Variants in ZC4H2 observed in about 807,000 individuals in gnomAD.
The protein encoded by ZC4H2 is zinc finger C4H2-type containing, also known as zinc finger C4H2 domain-containing protein.
For synonymous variants in ZC4H2, 84 were observed against 66.3 expected, an observed-to-expected ratio of 1.27 and a Z score of -1.30; for missense variants, 137 against 173.9, an observed-to-expected ratio of 0.79 and a Z score of 1.19.
At chrX:64,928,738 TCC>T (rs1929578470) in intron 1 of ZC4H2, among the ~76,000 whole-genome samples, 1 of 99,653 alleles carries the variant, frequency 1.0e-5, no homozygotes, top group African/African-American at 3.7e-5. Flanking sequence ...CTTCTTCTTC[TCC>T]TTCTCCTTCT....
intron 1 of ZC4H2, among the ~76,000 whole-genome samples, chrX:64,985,777 T>C (rs1932172347): frequency 8.9e-6 from 1 of 111,763 alleles, no homozygotes; most frequent in African/African-American, 3.3e-5. Context: ...TCAATTTTCC[T>C]ATGGCAAGCA....
chrX:65,003,848 G>C (rs1932602941), intron 1 of ZC4H2, among the ~76,000 whole-genome samples: 1 of 107,969 alleles, frequency 9.3e-6, no homozygotes, highest in African/African-American at 3.4e-5. Flanking sequence ...CTGCACTCCA[G>C]CCTGGGTGAC....
At chrX:64,967,706 G>A (rs1452703192) in intron 1 of ZC4H2, among the ~76,000 whole-genome samples, 1 of 111,729 alleles carries the variant, frequency 9.0e-6, no homozygotes, top group Non-Finnish European at 1.9e-5. Flanking sequence ...TATTTCAGAG[G>A]TGAATAAATA....
At position 65,032,734 on chromosome X, in the gene ZC4H2, T is replaced by TTTCCTTCCTTCCTTCCTTCCTTCC. The variant is rs59235733; in HGVS notation, c.-272+1871_-272+1894dup. ...GCTCTCCTCTAATGTTTCTTCTTTC[T>TTTCCTTCCTTCCTTCCTTCCTTCC]TTCCTTCCTTCCTTCCTTCCTTCCT... On this transcript the variant is annotated intron_variant, in intron 1 of 4. Transcript: ENST00000337990. 2.5e-4 allele frequency among the ~76,000 whole-genome samples: 22 copies of TTTCCTTCCTTCCTTCCTTCCTTCC among 86,798 alleles called. 1 individual carries two copies. The highest frequency in any genetic ancestry group is 9.7e-4 in the African/African-American group (21 of 21,704). 75.4% of individuals were successfully genotyped at this position (86,798 alleles called of 115,157 possible).
intron 1 of ZC4H2, among the ~76,000 whole-genome samples, chrX:65,018,761 G>A (rs1244884863): frequency 9.0e-6 from 1 of 111,306 alleles, no homozygotes; most frequent in African/African-American, 3.3e-5. Flanking sequence ...TCCCCATGAA[G>A]CTGAGCAAGC....
intron 1 of ZC4H2, among the ~76,000 whole-genome samples, chrX:65,014,543 T>G (rs1319152708): frequency 8.9e-6 from 1 of 111,747 alleles, no homozygotes; most frequent in Non-Finnish European, 1.9e-5. Context: ...AGCTCAGCAA[T>G]TCATATTTCA....
intron 1 of ZC4H2, among the ~76,000 whole-genome samples, chrX:64,944,511 T>A (rs1930442777): frequency 9.0e-6 from 1 of 111,562 alleles, no homozygotes; most frequent in Non-Finnish European, 1.9e-5. Context: ...GCCTTTAACA[T>A]TTTTTCCTTT....
intron 1 of ZC4H2, among the ~76,000 whole-genome samples, chrX:65,014,949 G>A (rs1234322438): frequency 1.8e-5 from 2 of 111,610 alleles, no homozygotes; most frequent in African/African-American, 6.5e-5. Context: ...TAAATGAACT[G>A]CCTAAACAAC....
chrX:64,928,473 T>C (rs907056124), intron 1 of ZC4H2, among the ~76,000 whole-genome samples: 4 of 111,817 alleles, frequency 3.6e-5, no homozygotes, highest in African/African-American at 1.3e-4. Context: ...TTCTGTTCCA[T>C]TGGTCTATAT....
chrX:64,921,551 T>A (rs755680652), intron 2 of ZC4H2, among the ~76,000 whole-genome samples: 8 of 111,646 alleles, frequency 7.2e-5, no homozygotes, highest in Non-Finnish European at 1.5e-4. Flanking sequence ...ATCAAATCAG[T>A]ACATTTAGAG....
chrX:65,023,307 G>T (rs911716267), intron 1 of ZC4H2, among the ~76,000 whole-genome samples: 1 of 111,752 alleles, frequency 8.9e-6, no homozygotes, highest in Admixed American at 9.5e-5. Context: ...TGCAAAGAGA[G>T]ACAATTTGAC....
chrX:64,940,719 G>A (rs1930240937), intron 1 of ZC4H2, among the ~76,000 whole-genome samples: 1 of 110,805 alleles, frequency 9.0e-6, no homozygotes, highest in African/African-American at 3.3e-5. Context: ...GATGTGTGGT[G>A]TTATTTCTGA....
chrX:64,924,845 C>T (rs957162493), intron 1 of ZC4H2, among the ~76,000 whole-genome samples: 1 of 111,024 alleles, frequency 9.0e-6, no homozygotes, highest in African/African-American at 3.3e-5. Context: ...GGGAGGTTGA[C>T]AGGCCCTAAA....
chrX:64,976,466 G>A (rs1477491824), upstream of ZC4H2: 4 of 1,015,974 alleles, frequency 3.9e-6, no homozygotes, highest in Non-Finnish European at 5.5e-6. Context: ...CCTCCTCCGG[G>A]CTTGGGGCTA....
intron 1 of ZC4H2, among the ~76,000 whole-genome samples, chrX:64,990,317 T>G (rs182090389): frequency 4.8e-4 from 54 of 111,563 alleles, no homozygotes; most frequent in Admixed American, 2.1e-3. Flanking sequence ...GACAAAATCA[T>G]AGAAATGGGA....
intron 1 of ZC4H2, among the ~76,000 whole-genome samples, chrX:64,925,921 T>A (rs1014856091): frequency 2.7e-5 from 3 of 112,136 alleles, no homozygotes; most frequent in African/African-American, 9.7e-5. Context: ...GGAGCCTTTG[T>A]CTATTGCCTG....
At chrX:64,946,966 A>C (rs1373720500) in intron 1 of ZC4H2, among the ~76,000 whole-genome samples, 2 of 111,326 alleles carry the variant, frequency 1.8e-5, no homozygotes, top group South Asian at 3.7e-4. Context: ...CTTCTGTTAT[A>C]ATGTAAGCAT....
At chrX:65,000,036 T>A (rs1336661558) in intron 1 of ZC4H2, among the ~76,000 whole-genome samples, 1 of 112,406 alleles carries the variant, frequency 8.9e-6, no homozygotes, top group Admixed American at 9.4e-5. Flanking sequence ...TAAACGTTCA[T>A]GCCTGCCAGC....
intron 1 of ZC4H2, among the ~76,000 whole-genome samples, chrX:64,926,611 TA>T (rs1368261854): frequency 8.9e-6 from 1 of 112,096 alleles, no homozygotes; most frequent in Non-Finnish European, 1.9e-5. Flanking sequence ...TGCATTTCCC[TA>T]ATGCCCATTG....
Sources: allele counts gnomAD v4.1 joint callset (sites outside exome capture counted in the v4.1 genomes callset), GRCh38; gene constraint gnomAD v4.1.1; transcripts MANE v1.5; gene names NCBI Gene and HGNC (gene_info 2026-07-23, HGNC 2026-07-21).